Variants in KLF12 observed in about 807,000 individuals in gnomAD.
KLF12 encodes the protein KLF transcription factor 12.
A neutral mutation model predicts 37.8 loss-of-function variants in KLF12; 9 were observed. That is an observed-to-expected ratio of 0.24 (90% CI 0.14 to 0.42). The LOEUF (loss-of-function observed/expected upper bound fraction) is 0.42, where lower values mean the gene tolerates loss of function less well. Among genes scored for constraint, KLF12 ranks in the 10% least tolerant of loss-of-function variants. KLF12 has a pLI of 1.00. For synonymous variants in KLF12, 208 were observed against 202.1 expected, an observed-to-expected ratio of 1.03 and a Z score of -0.25; for missense variants, 411 against 516.0, an observed-to-expected ratio of 0.80 and a Z score of 1.97.
At chr13:74,213,251 T>C in the KLF12 span, among the ~76,000 whole-genome samples, 1 of 152,166 alleles carries the variant, frequency 6.6e-6, no homozygotes, top group Non-Finnish European at 1.5e-5. Flanking sequence ...GACATTGACT[T>C]TTTTTATTTT....
chr13:74,275,890 T>TTTC, the KLF12 span, among the ~76,000 whole-genome samples: 34 of 118,482 alleles, frequency 2.9e-4, no homozygotes, highest in South Asian at 6.1e-4. Flanking sequence ...TCTTTCTTTC[T>TTTC]TTCTTTCTTT....
At chr13:73,953,511 G>T (rs1030117179) in intron 2 of KLF12, among the ~76,000 whole-genome samples, 3 of 152,068 alleles carry the variant, frequency 2.0e-5, no homozygotes, top group African/African-American at 7.2e-5. Flanking sequence ...AAAGTTGTTT[G>T]AATAGTAATG....
At chr13:74,113,209 G>A (rs1877085773) in intron 1 of KLF12, among the ~76,000 whole-genome samples, 1 of 152,222 alleles carries the variant, frequency 6.6e-6, no homozygotes, top group Admixed American at 6.5e-5. Context: ...AAATGCTGAT[G>A]GGGAAGCTGC....
In KLF12 at chr13:73,943,860, C is replaced by T; in HGVS notation, c.123+121G>A. On this transcript the variant is annotated intron_variant, in intron 3 of 7. Transcript: ENST00000377669. ...ATCTCAGATTTTTGTTTGTTTTAAC[C>T]TGAGAGAGAAAAGCTTAAGCAAGGG... 6.1e-6 allele frequency: 4 copies of T among 657,132 alleles called. No homozygotes were observed. The South Asian group carries it at 7.7e-5, about 13-fold the overall frequency. The allele number at this position is 657,132 out of a possible 1,614,324, so 40.7% of individuals were successfully genotyped here.
In KLF12 at chr13:73,718,102, A is replaced by G. The variant is rs142522417; in HGVS notation, c.870-2577T>C. On this transcript the variant is annotated intron_variant, in intron 6 of 7. Coordinates refer to ENST00000377669, the MANE Select transcript of KLF12 (RefSeq NM_007249.5). ...TTGTTTTGTGTAATATTTTCCACAC[A>G]TGAATATAAAGAAGTCTAAATGTAA... 4.0e-3 allele frequency among the ~76,000 whole-genome samples: 615 copies of G among 152,368 alleles called. 6 individuals carry two copies. The highest frequency in any genetic ancestry group is 0.014 in the African/African-American group (573 of 41,592).
intron 2 of KLF12, among the ~76,000 whole-genome samples, chr13:73,979,354 A>AACACACACACACACACACACAC (rs71115629): frequency 1.4e-5 from 2 of 139,620 alleles, no homozygotes; most frequent in African/African-American, 5.4e-5. Context: ...TCTGCTTTTA[A>AACACACACACACACACACACAC]ACACACACAC....
At chr13:73,994,760 T>C (rs564141368) in intron 2 of KLF12, among the ~76,000 whole-genome samples, 4 of 152,324 alleles carry the variant, frequency 2.6e-5, no homozygotes, top group African/African-American at 9.6e-5. Flanking sequence ...GCTTAAGTTC[T>C]GGAAAAGAAT....
chr13:73,780,092 A>G (rs1440599304), intron 5 of KLF12, among the ~76,000 whole-genome samples: 1 of 152,250 alleles, frequency 6.6e-6, no homozygotes, highest in Non-Finnish European at 1.5e-5. Context: ...TAGAGTTAAA[A>G]GTGGGGCCTG....
intron 1 of KLF12, among the ~76,000 whole-genome samples, chr13:74,108,656 T>C (rs569030411): frequency 6.6e-6 from 1 of 152,306 alleles, no homozygotes; most frequent in South Asian, 2.1e-4. Context: ...ACCACTGCTA[T>C]ATGTATGTTA....
At chr13:73,987,175 C>T (rs1477304046) in intron 2 of KLF12, among the ~76,000 whole-genome samples, 1 of 151,866 alleles carries the variant, frequency 6.6e-6, no homozygotes, top group Non-Finnish European at 1.5e-5. Context: ...ACGTGTAAGA[C>T]ACAAAAAATC....
intron 2 of KLF12, among the ~76,000 whole-genome samples, chr13:73,969,043 AAAC>A (rs1413067529): frequency 3.3e-5 from 5 of 151,952 alleles, no homozygotes; most frequent in African/African-American, 1.2e-4. Context: ...AAAAAAAAAA[AAAC>A]CTATAGCAAT....
the KLF12 span, among the ~76,000 whole-genome samples, chr13:74,242,719 G>A: frequency 6.6e-6 from 1 of 152,148 alleles, no homozygotes; most frequent in Non-Finnish European, 1.5e-5. Context: ...TAGGGCTTGA[G>A]CATCCTGCCC....
At chr13:74,116,391 G>A (rs1323019368) in intron 1 of KLF12, among the ~76,000 whole-genome samples, 1 of 152,086 alleles carries the variant, frequency 6.6e-6, no homozygotes, top group African/African-American at 2.4e-5. Context: ...CTTTATACGT[G>A]GCCATGAACA....
chr13:73,921,550 C>T (rs957697608), intron 3 of KLF12, among the ~76,000 whole-genome samples: 1 of 152,126 alleles, frequency 6.6e-6, no homozygotes, highest in Non-Finnish European at 1.5e-5. Context: ...TATTCCACAA[C>T]TTAATCTCCC....
At chr13:74,010,153 G>A (rs1892513736) in intron 1 of KLF12, among the ~76,000 whole-genome samples, 1 of 151,930 alleles carries the variant, frequency 6.6e-6, no homozygotes, top group Admixed American at 6.6e-5. Flanking sequence ...ACATGGCCCA[G>A]GCTGGTCTCA....
At chr13:74,140,792 G>A in the KLF12 span, among the ~76,000 whole-genome samples, 2 of 152,102 alleles carry the variant, frequency 1.3e-5, no homozygotes, top group Non-Finnish European at 2.9e-5. Flanking sequence ...GGTGGCTCAT[G>A]CCTGTAATCC....
chr13:73,767,005 T>C (rs540254726), intron 5 of KLF12, among the ~76,000 whole-genome samples: 39 of 152,310 alleles, frequency 2.6e-4, no homozygotes, highest in Middle Eastern at 6.8e-3. Flanking sequence ...ATTGTGTATA[T>C]GAACAAATAA....
chr13:74,169,020 G>A, the KLF12 span, among the ~76,000 whole-genome samples: 1 of 152,088 alleles, frequency 6.6e-6, no homozygotes, highest in African/African-American at 2.4e-5. Flanking sequence ...TAATGATTTA[G>A]TTACCTTTTG....
intron 2 of KLF12, among the ~76,000 whole-genome samples, chr13:73,992,393 T>C (rs1360993511): frequency 1.3e-5 from 2 of 152,194 alleles, no homozygotes; most frequent in Non-Finnish European, 2.9e-5. Flanking sequence ...CCAAGTGCAA[T>C]GAAGCTGAGT....
Sources: allele counts gnomAD v4.1 joint callset (sites outside exome capture counted in the v4.1 genomes callset), GRCh38; gene constraint gnomAD v4.1.1; transcripts MANE v1.5; gene names NCBI Gene and HGNC (gene_info 2026-07-23, HGNC 2026-07-21).